ST14: variants seen among roughly 807,000 people sequenced by gnomAD.
The protein encoded by ST14 is ST14 transmembrane serine protease matriptase.
ST14 carries 40 observed loss-of-function variants against 96.5 expected under a neutral mutation model. The observed-to-expected ratio is 0.41, with a 90% CI of 0.32 to 0.54. The LOEUF (loss-of-function observed/expected upper bound fraction) is 0.54. Among genes scored for constraint, ST14 ranks in the 20% least tolerant of loss-of-function variants. ST14 has a pLI of 0.17. For missense variants in ST14, 1,066 were observed against 1,188.9 expected, an observed-to-expected ratio of 0.90 and a Z score of 1.52; for synonymous variants, 506 against 492.1, an observed-to-expected ratio of 1.03 and a Z score of -0.37.
chr11:130,169,065 A>G (rs1451345793), intron 1 of ST14, among the ~76,000 whole-genome samples: 1 of 148,626 alleles, frequency 6.7e-6, no homozygotes, highest in Non-Finnish European at 1.5e-5. Context: ...CATACATACC[A>G]TATTATTTAT....
At chr11:130,166,933 G>A (rs1402659033) in intron 1 of ST14, among the ~76,000 whole-genome samples, 2 of 152,300 alleles carry the variant, frequency 1.3e-5, no homozygotes, top group South Asian at 2.1e-4. Context: ...AAATGAGGCC[G>A]GGTGCGGTGG....
chr11:130,177,434 G>A (rs925916051), intron 1 of ST14, among the ~76,000 whole-genome samples: 1 of 152,000 alleles, frequency 6.6e-6, no homozygotes, highest in African/African-American at 2.4e-5. Flanking sequence ...GCGGTGGCAG[G>A]TGCCTGTAAT....
At chr11:130,171,500 A>G (rs183882586) in intron 1 of ST14, among the ~76,000 whole-genome samples, 1 of 152,270 alleles carries the variant, frequency 6.6e-6, no homozygotes, top group African/African-American at 2.4e-5. Context: ...TTGGATAAAT[A>G]CTCAGAAGTG....
rs767355727 is a variant in ST14 at position 130,194,139 on chromosome 11, GC to G, written c.876-5del. The G allele has an allele frequency of 2.4e-5, 38 of 1,614,126 alleles. No individual in the cohort carries two copies. In the East Asian group the frequency reaches 8.5e-4, roughly 36 times the overall value. On this transcript the variant is annotated splice_polypyrimidine_tract_variant and intron_variant, in intron 7 of 18. Transcript: ENST00000278742. ...CTGCTCTTCCTAATGCCCGCCCTCT[GC>G]CCCCACAGGTTGTGTGGCACCTACC...
At chr11:130,196,510 ACCCCCAGC>A in intron 10 of ST14, 52 bp from the exon 11 acceptor site, 1 of 1,567,956 alleles carries the variant, frequency 6.4e-7, no homozygotes, top group Non-Finnish European at 8.8e-7. Context: ...GTCCCACCAG[ACCCCCAGC>A]CCCCCGGCTC....
chr11:130,198,055 T>G (rs1591892835), intron 12 of ST14, 110 bp downstream of exon 12: 2 of 1,203,674 alleles, frequency 1.7e-6, no homozygotes, highest in Non-Finnish European at 2.4e-6. Context: ...GTGGTGGGAG[T>G]TTTTGCTCTC....
In ST14 at chr11:130,200,123, T is replaced by C. The variant is rs1402595654; in HGVS notation, c.1980T>C (p.Asp660=). 1.2e-6 allele frequency: 2 copies of C among 1,614,160 alleles called. No homozygotes were observed. The highest frequency in any genetic ancestry group is 1.7e-6 in the Non-Finnish European group (2 of 1,180,022). ...WLVSAAHCYI[D]DRGFRYSDPT... is the part of the protein sequence containing the mutation. ...TCTCTGCCGCACACTGCTACATCGA[T>C]GACAGAGGATTCAGGTGGGTCTCTG... is the stretch of plus-strand genomic sequence containing the variant. Residue 660 remains aspartate, a synonymous_variant, in exon 16 of 19, where the codon GAT becomes GAC. Coordinates refer to ENST00000278742, the MANE Select transcript of ST14 (RefSeq NM_021978.4).
In ST14 at chr11:130,159,868, G is replaced by GGCCTGCCCGGAATCCCGCCGCCTGC. The variant is rs1952985042; in HGVS notation, c.-108_-84dup. Reference sequence around the variant, plus strand: ...GCACCGCCGCCGGTCGGGCGCGCTGGGCCTGCCCGGAATCCCGCCGCCTGC... The same window carrying GGCCTGCCCGGAATCCCGCCGCCTGC: ...GCACCGCCGCCGGTCGGGCGCGCTGGGCCTGCCCGGAATCCCGCCGCCTGCGCCTGCCCGGAATCCCGCCGCCTGC... On this transcript the variant is annotated 5_prime_UTR_variant, in exon 1 of 19. Coordinates refer to ENST00000278742, the MANE Select transcript of ST14 (RefSeq NM_021978.4). The GGCCTGCCCGGAATCCCGCCGCCTGC allele has an allele frequency of 1.5e-5, 7 of 477,800 alleles. No individual in the cohort carries two copies. The highest frequency in any genetic ancestry group is 2.1e-5 in the Non-Finnish European group (7 of 325,744). The allele number at this position is 477,800 out of a possible 1,614,324, so 29.6% of individuals were successfully genotyped here. A position where few individuals can be genotyped will look rare whatever the true frequency, so the allele number is the denominator to read the frequency against.
intron 1 of ST14, among the ~76,000 whole-genome samples, chr11:130,177,668 C>T (rs934208340): frequency 1.3e-5 from 2 of 152,234 alleles, no homozygotes; most frequent in Non-Finnish European, 2.9e-5. Flanking sequence ...TGGCATCAGC[C>T]GAGACCTTGT....
chr11:130,162,867 G>A (rs1953007857), intron 1 of ST14, among the ~76,000 whole-genome samples: 1 of 152,192 alleles, frequency 6.6e-6, no homozygotes, highest in African/African-American at 2.4e-5. Flanking sequence ...CATCTGTGAT[G>A]TGGTGGCAGG....
chr11:130,202,602 G>A (rs1395029349), intron 16 of ST14, among the ~76,000 whole-genome samples: 2 of 152,232 alleles, frequency 1.3e-5, no homozygotes, highest in Admixed American at 6.5e-5. Flanking sequence ...GGAGTGTCGT[G>A]TGCAGAGGCA....
At chr11:130,184,259 T>C (rs1230297465) in intron 1 of ST14, among the ~76,000 whole-genome samples, 2 of 152,236 alleles carry the variant, frequency 1.3e-5, no homozygotes, top group East Asian at 3.9e-4. Context: ...CTTTATTTTA[T>C]GCAATAATAC....
intron 11 of ST14, among the ~76,000 whole-genome samples, chr11:130,197,511 C>A (rs1277602271): frequency 6.6e-6 from 1 of 152,256 alleles, no homozygotes; most frequent in Non-Finnish European, 1.5e-5. Context: ...CCAGGCAGCC[C>A]AGCACACAGG....
At chr11:130,167,146 G>T (rs1282098246) in intron 1 of ST14, among the ~76,000 whole-genome samples, 1 of 152,222 alleles carries the variant, frequency 6.6e-6, no homozygotes, top group Non-Finnish European at 1.5e-5. Context: ...GGGAGGTGGA[G>T]GTTGCAGTGA....
rs575266292 is a variant in ST14, at chr11:130,181,724, T to C, written c.82-6390T>C. ...AACTTTGTGACCTTGGACAGGCCAC[T>C]CCCTCTCTTTCATCCTCAGTGTTCT... On this transcript the variant is annotated intron_variant, in intron 1 of 18. Coordinates refer to ENST00000278742, the MANE Select transcript of ST14 (RefSeq NM_021978.4). This position sits in a 1 kb window ranked among gnomAD's most constrained non-coding sequence, Gnocchi z 4.1. Among the ~76,000 whole-genome samples the C allele has an allele frequency of 1.4e-5, 2 of 147,888 alleles. No individual in the cohort carries two copies. The highest frequency in any genetic ancestry group is 4.2e-4 in the East Asian group (2 of 4,756).
intron 1 of ST14, among the ~76,000 whole-genome samples, chr11:130,175,146 C>A (rs879602601): frequency 6.6e-6 from 1 of 152,104 alleles, no homozygotes; most frequent in Non-Finnish European, 1.5e-5. Context: ...CACGTGCCAT[C>A]CCTAAGATAG....
chr11:130,207,887 A>T (rs575455165), intron 16 of ST14, among the ~76,000 whole-genome samples: 4 of 152,296 alleles, frequency 2.6e-5, no homozygotes, highest in Middle Eastern at 3.4e-3. Context: ...CCTGACCACC[A>T]TGATGAAATC....
At chr11:130,209,622 GCGGGACT>G in intron 18 of ST14, 33 bp from the exon 19 acceptor site, 1 of 1,586,048 alleles carries the variant, frequency 6.3e-7, no homozygotes, top group Non-Finnish European at 8.6e-7. Flanking sequence ...CCCGGGAGAG[GCGGGACT>G]GGGGACTCAC....
chr11:130,164,108 T>A (rs1330336384), intron 1 of ST14, among the ~76,000 whole-genome samples: 1 of 152,202 alleles, frequency 6.6e-6, no homozygotes, highest in African/African-American at 2.4e-5. Flanking sequence ...ATGTCTCTTT[T>A]AAAAGAGAAG....
Sources: allele counts gnomAD v4.1 joint callset (sites outside exome capture counted in the v4.1 genomes callset), GRCh38; gene constraint gnomAD v4.1.1; non-coding constraint Gnocchi (gnomAD v3.1); transcripts MANE v1.5; gene names NCBI Gene and HGNC (gene_info 2026-07-23, HGNC 2026-07-21).